Variants in TRIM17 observed in about 807,000 individuals in gnomAD.
The protein encoded by TRIM17 is tripartite motif containing 17, also known as E3 ubiquitin-protein ligase TRIM17.
In TRIM17, 27 loss-of-function variants were observed where a neutral mutation model predicts 35.8. The observed-to-expected ratio is 0.75, with a 90% CI of 0.56 to 1.04. TRIM17 has a LOEUF of 1.04. Ranked by LOEUF, TRIM17 falls within the 50% of genes least tolerant of loss-of-function variation. The pLI, the probability that TRIM17 is intolerant of heterozygous loss-of-function variation, is 0.00. For synonymous variants in TRIM17, 246 were observed against 252.6 expected (o/e 0.97, Z 0.25); for missense variants, 582 against 612.8 (o/e 0.95, Z 0.53).
chr1:228,413,136 G>T (rs936064475), intron 3 of TRIM17, among the ~76,000 whole-genome samples: 1 of 150,958 alleles, frequency 6.6e-6, no homozygotes, highest in East Asian at 1.9e-4. Flanking sequence ...GCTTGAACCC[G>T]GGAGGCAGAG....
At chr1:228,416,276 A>G (rs1574104217) in intron 1 of TRIM17, 1 of 950,976 alleles carries the variant, frequency 1.1e-6, no homozygotes, top group Non-Finnish European at 1.3e-6. Context: ...CACCCAGCCC[A>G]CCCTGACCGA....
At position 228,410,897 on chromosome 1, in the gene TRIM17, G is replaced by A; in HGVS notation, c.756+49C>T. The A allele has an allele frequency of 7.5e-7, 1 of 1,335,602 alleles. No homozygotes were observed. Among genetic ancestry groups the A allele is most frequent in the Non-Finnish European group, 1.0e-6 (1 of 1,001,272 alleles). 82.7% of individuals were successfully genotyped at this position (1,335,602 alleles called of 1,614,324 possible). A position where few individuals can be genotyped will look rare whatever the true frequency, so the allele number is the denominator to read the frequency against. ...CCCAAGCCCAGCGCCCCCTGCCCAT[G>A]CCTGTCAGAGCTCACATCCCACCCT... On this transcript the variant is annotated intron_variant, in intron 4 of 6. Transcript: ENST00000366698. The surrounding 1 kb of genome is among the most constrained non-coding windows in gnomAD (Gnocchi z 4.6).
intron 3 of TRIM17, among the ~76,000 whole-genome samples, chr1:228,412,359 C>A (rs971813685): frequency 2.0e-5 from 3 of 152,078 alleles, no homozygotes; most frequent in Non-Finnish European, 4.4e-5. Context: ...AATGGGCCTG[C>A]TGGACCACCC....
rs1003668411 is a variant in TRIM17 at position 228,408,897 on chromosome 1, T to C, written c.884-146A>G. 2 of 1,478,742 alleles carry C rather than the reference T, an allele frequency of 1.4e-6. No homozygotes were observed. The allele number at this position is 1,478,742 out of a possible 1,614,324, so 91.6% of individuals were successfully genotyped here. A position where few individuals can be genotyped will look rare whatever the true frequency, so the allele number is the denominator to read the frequency against. On this transcript the variant is annotated intron_variant, in intron 6 of 6. Transcript: ENST00000366698. The surrounding 1 kb of genome is among the most constrained non-coding windows in gnomAD (Gnocchi z 6.3). The stretch of plus-strand genomic sequence containing the variant: ...TCCCCTGCTGTGAATCTGGGGTTAC[T>C]TGATGCTTCCACACACCAATTGTGT...
intron 2 of TRIM17, among the ~76,000 whole-genome samples, chr1:228,414,407 T>C (rs1282722927): frequency 2.0e-5 from 3 of 152,212 alleles, no homozygotes; most frequent in African/African-American, 2.4e-5. Context: ...CCCAAAATAC[T>C]CTGAGAGGAG....
At chr1:228,416,360 G>A (rs1657124107) in intron 1 of TRIM17, 179 bp downstream of exon 1, 1 of 985,554 alleles carries the variant, frequency 1.0e-6, no homozygotes, top group South Asian at 4.7e-5. Flanking sequence ...TTCCCGCTCT[G>A]GTCCGCTAGG....
chr1:228,409,265 C>T lies in TRIM17; in HGVS notation c.790G>A (p.Val264Met), dbSNP rs752560957. The change falls in exon 6 of 7, where the codon GTG becomes ATG. Residue 264 changes from valine to methionine, a missense_variant. Coordinates refer to ENST00000366698, the MANE Select transcript of TRIM17 (RefSeq NM_016102.4). ...MKEPLSRKNN[V>M]SVQCPEVAPP... ...GCAACCTCTGGGCACTGCACACTCA[C>T]GTTGTTCTTCCTCCGGTGGGCACAC... The T allele has an allele frequency of 2.7e-5, 44 of 1,613,514 alleles. No homozygotes were observed. The highest frequency in any genetic ancestry group is 6.7e-5 in the East Asian group (3 of 44,864).
Position 228,409,107 on chromosome 1 carries a change from G to T in TRIM17, c.883+65C>A, listed in dbSNP as rs111735128. Reference sequence around the variant, plus strand: ...CCCCATTGGTGGCTTCCGAGGCTAGGGGGTACAGTGGGGCATCGCCAAGAG... The same window carrying T: ...CCCCATTGGTGGCTTCCGAGGCTAGTGGGTACAGTGGGGCATCGCCAAGAG... On this transcript the variant is annotated intron_variant, in intron 6 of 6. Coordinates refer to ENST00000366698, the MANE Select transcript of TRIM17 (RefSeq NM_016102.4). The T allele has an allele frequency of 6.0e-5, 97 of 1,613,926 alleles. No homozygotes were observed. In the African/African-American group the frequency reaches 1.2e-3, roughly 20 times the overall value.
chr1:228,415,369 G>C, intron 1 of TRIM17: 1 of 321,376 alleles, frequency 3.1e-6, no homozygotes, highest in Non-Finnish European at 5.7e-6. Context: ...ACTTCCGCCT[G>C]CTGCTGGCTA....
chr1:228,410,919 C>T lies in TRIM17; in HGVS notation c.756+27G>A. The T allele has an allele frequency of 2.0e-6, 3 of 1,467,104 alleles. No individual in the cohort carries two copies. Among genetic ancestry groups the T allele is most frequent in the Non-Finnish European group, 2.7e-6 (3 of 1,102,630 alleles). The allele number at this position is 1,467,104 out of a possible 1,614,324, so 90.9% of individuals were successfully genotyped here. The stretch of plus-strand genomic sequence containing the variant: ...CATGCCTGTCAGAGCTCACATCCCA[C>T]CCTGCCTGCCAAGCCTACTGGCTCA... On this transcript the variant is annotated intron_variant, in intron 4 of 6. Transcript: ENST00000366698. The surrounding 1 kb of genome is among the most constrained non-coding windows in gnomAD (Gnocchi z 4.6).
intron 2 of TRIM17, among the ~76,000 whole-genome samples, 195 bp downstream of exon 2, chr1:228,414,449 G>A (rs1035336759): frequency 3.9e-5 from 6 of 152,198 alleles, no homozygotes; most frequent in African/African-American, 1.4e-4. Context: ...GCATCATACA[G>A]TGTAGGCCCA....
chr1:228,416,370 G>A, intron 1 of TRIM17, 169 bp downstream of exon 1: 1 of 985,556 alleles, frequency 1.0e-6, no homozygotes. Context: ...GGTCCGCTAG[G>A]GTCCCGGTAG....
Position 228,414,707 on chromosome 1 carries a change from C to G in TRIM17, c.366G>C (p.Arg122Ser). The change falls in exon 2 of 7, where the codon AGG becomes AGC. Residue 122 changes from arginine (R) to serine (S), a missense_variant. By Grantham distance (110) the Arg-to-Ser change is moderately radical. Transcript: ENST00000366698. ...KDQSPICVVC[R>S]ESREHRLHRV... is the part of the protein sequence containing the mutation. ...TGTGCAGCCGGTGCTCCCGGGACTCCCTGCACACCACACAGATGGGGCTCT... is the reference window on the plus strand; with the variant it reads ...TGTGCAGCCGGTGCTCCCGGGACTCGCTGCACACCACACAGATGGGGCTCT... 6.2e-7 allele frequency: 1 copy of G among 1,612,252 alleles called. No individual in the cohort carries two copies. Among genetic ancestry groups the G allele is most frequent in the Non-Finnish European group, 8.5e-7 (1 of 1,180,036 alleles).
In TRIM17 at chr1:228,408,782, G is replaced by A. The variant is rs1346916712; in HGVS notation, c.884-31C>T. ...GATGGGCGTGGTGGTGGAGAGATGG[G>A]GAGAGGTGTGGGGCATTCAGGGTCA... On this transcript the variant is annotated intron_variant, in intron 6 of 6. Coordinates refer to ENST00000366698, the MANE Select transcript of TRIM17 (RefSeq NM_016102.4). This position sits in a 1 kb window ranked among gnomAD's most constrained non-coding sequence, Gnocchi z 6.3. 4.4e-6 allele frequency: 7 copies of A among 1,583,420 alleles called. No individual in the cohort carries two copies. The highest frequency in any genetic ancestry group is 3.9e-4 in the Middle Eastern group (2 of 5,194).
At chr1:228,412,151 G>A (rs150283813) in intron 3 of TRIM17, among the ~76,000 whole-genome samples, 175 of 152,216 alleles carry the variant, frequency 1.1e-3, no homozygotes, top group African/African-American at 3.8e-3. Flanking sequence ...GGGACTGGTC[G>A]CTTCAGGAAT....
In TRIM17 at chr1:228,411,472, T is replaced by G. The variant is rs567428650; in HGVS notation, c.526-296A>C. The stretch of plus-strand genomic sequence containing the variant: ...TCTTGGGCATGTTAAACAAAATTTA[T>G]GGGTGGCCATTGTTTTTTGTTTTGT... On this transcript the variant is annotated intron_variant, in intron 3 of 6. Transcript: ENST00000366698. This position sits in a 1 kb window ranked among gnomAD's most constrained non-coding sequence, Gnocchi z 4.2. 3.9e-5 allele frequency among the ~76,000 whole-genome samples: 6 copies of G among 152,344 alleles called. No individual in the cohort carries two copies. The South Asian group carries it at 1.2e-3, about 32-fold the overall frequency.
At position 228,415,020 on chromosome 1, in the gene TRIM17, A is replaced by T; in HGVS notation, c.53T>A (p.Ile18Asn). The T allele has an allele frequency of 3.1e-6, 5 of 1,611,534 alleles. No homozygotes were observed. The highest frequency in any genetic ancestry group is 4.2e-6 in the Non-Finnish European group (5 of 1,178,688). The part of the protein sequence containing the change: ...RKLQEEATCS[I>N]CLDYFTDPVM... ...AGGGTCTGTGAAGTAATCCAGACAG[A>T]TGGAGCACGTAGCTTCCTCCTGCAG... Residue 18 changes from isoleucine to asparagine, a missense_variant, in exon 2 of 7, where the codon ATC (isoleucine) becomes AAC (asparagine). By Grantham distance (149) the Ile-to-Asn change is moderately radical (BLOSUM62 -3). Coordinates refer to ENST00000366698, the MANE Select transcript of TRIM17 (RefSeq NM_016102.4).
rs751050667 is a variant in TRIM17 at position 228,411,519 on chromosome 1, C to T, written c.526-343G>A. On this transcript the variant is annotated intron_variant, in intron 3 of 6. Transcript: ENST00000366698. The surrounding 1 kb of genome is among the most constrained non-coding windows in gnomAD (Gnocchi z 4.2). ...TTGTTTTGTTTGAGACAGGGTCTCG[C>T]TCAGTTGCCCAGGCTGGAATGCAGT... Among the ~76,000 whole-genome samples, 16 of 152,240 alleles carry T rather than the reference C, an allele frequency of 1.1e-4. No homozygotes were observed. Among genetic ancestry groups the T allele is most frequent in the Non-Finnish European group, 1.6e-4 (11 of 68,044 alleles).
In TRIM17 at chr1:228,415,102, G is replaced by A. The variant is rs766826526; in HGVS notation, c.-30C>T. On this transcript the variant is annotated 5_prime_UTR_variant, in exon 2 of 7. Transcript: ENST00000366698. The stretch of plus-strand genomic sequence containing the variant: ...CCTGGGAGACACGAGGCAGGTTCCC[G>A]CTTGAGGGACTCTGGAGAGAGTTGG... 19 of 1,577,650 alleles carry A rather than the reference G, an allele frequency of 1.2e-5. No individual in the cohort carries two copies. Among genetic ancestry groups the A allele is most frequent in the Non-Finnish European group, 1.3e-5 (15 of 1,159,650 alleles).
Sources: allele counts gnomAD v4.1 joint callset (sites outside exome capture counted in the v4.1 genomes callset), GRCh38; gene constraint gnomAD v4.1.1; non-coding constraint Gnocchi (gnomAD v3.1); transcripts MANE v1.5; gene names NCBI Gene and HGNC (gene_info 2026-07-23, HGNC 2026-07-21).